CACNA1C: variants seen among roughly 807,000 people sequenced by gnomAD.
CACNA1C encodes the protein voltage-dependent L-type calcium channel subunit alpha-1C.
CACNA1C carries 30 observed loss-of-function variants against 229.0 expected under a neutral mutation model. The observed-to-expected ratio is 0.13, with a 90% CI of 0.10 to 0.18. The LOEUF (loss-of-function observed/expected upper bound fraction) is 0.18, where lower values mean the gene tolerates loss of function less well. CACNA1C is among the 10% of genes least tolerant of loss of function. The probability of loss-of-function intolerance (pLI) is 1.00; values close to 1 mark genes in which losing one functional copy is unlikely to be tolerated. For missense variants in CACNA1C, 1,658 were observed against 2,845.0 expected, an observed-to-expected ratio of 0.58 and a Z score of 9.49; for synonymous variants, 1,114 against 1,132.5, an observed-to-expected ratio of 0.98 and a Z score of 0.33.
rs112245165 is a variant in CACNA1C, at chr12:2,684,506, T to G, written c.5574-1230T>G. 1.1e-3 allele frequency among the ~76,000 whole-genome samples: 161 copies of G among 152,176 alleles called. 2 individuals are homozygous for G. Among genetic ancestry groups the G allele is most frequent in the African/African-American group, 3.7e-3 (153 of 41,500 alleles). Reference sequence around the variant, plus strand: ...TTAAACTATTTCGGTTATTCTAGAGTGCTTGGTGCACCAGGCACTCTGCTA... The same window carrying G: ...TTAAACTATTTCGGTTATTCTAGAGGGCTTGGTGCACCAGGCACTCTGCTA... On this transcript the variant is annotated intron_variant, in intron 43 of 46. Transcript: ENST00000399655.
intron 3 of CACNA1C, among the ~76,000 whole-genome samples, chr12:2,262,064 A>C (rs984528482): frequency 6.6e-6 from 1 of 152,234 alleles, no homozygotes; most frequent in Non-Finnish European, 1.5e-5. Context: ...AGTCAGGCTA[A>C]AGAGGGCAGG....
At chr12:2,545,500 G>T (rs2099879509) in intron 9 of CACNA1C, among the ~76,000 whole-genome samples, 1 of 152,022 alleles carries the variant, frequency 6.6e-6, no homozygotes, top group Non-Finnish European at 1.5e-5. Context: ...CAATTCCTGG[G>T]CCAAATGAGC....
chr12:2,066,394 C>T (rs2059289446), intron 1 of CACNA1C, among the ~76,000 whole-genome samples: 1 of 151,992 alleles, frequency 6.6e-6, no homozygotes, highest in Non-Finnish European at 1.5e-5. Context: ...ACAGAGTAGT[C>T]AGGGAGGTAG....
At chr12:2,191,486 T>G (rs1201579556) in intron 3 of CACNA1C, among the ~76,000 whole-genome samples, 1 of 152,156 alleles carries the variant, frequency 6.6e-6, no homozygotes, top group Non-Finnish European at 1.5e-5. Flanking sequence ...AACCCAGACA[T>G]GGGCCTGATG....
At chr12:2,280,824 G>A (rs2090961736) in intron 3 of CACNA1C, among the ~76,000 whole-genome samples, 1 of 151,966 alleles carries the variant, frequency 6.6e-6, no homozygotes, top group African/African-American at 2.4e-5. Context: ...ATGTAGCTTT[G>A]TTCCCTTTTC....
rs2096884494 is a variant in CACNA1C, at chr12:2,677,530, C to A, written c.4957-203C>A. On this transcript the variant is annotated intron_variant, in intron 40 of 46. Transcript: ENST00000399655. This position sits in a 1 kb window ranked among gnomAD's most constrained non-coding sequence, Gnocchi z 7.4. ...TGCCCCGTCCTAATGAGCCTTCATC[C>A]CTCCTGGATGGGCGAGTGGATTGTT... 3.1e-6 allele frequency: 2 copies of A among 646,234 alleles called. No individual in the cohort carries two copies. The highest frequency in any genetic ancestry group is 5.3e-6 in the Non-Finnish European group (2 of 377,042). 40.0% of individuals were successfully genotyped at this position (646,234 alleles called of 1,614,324 possible).
At chr12:2,559,460 C>A (rs905233798) in intron 11 of CACNA1C, among the ~76,000 whole-genome samples, 2 of 152,246 alleles carry the variant, frequency 1.3e-5, no homozygotes, top group Admixed American at 1.3e-4. Context: ...TCTGGAGTCT[C>A]CCTCGGCCCT....
intron 1 of CACNA1C, among the ~76,000 whole-genome samples, chr12:1,997,381 G>T (rs564376896): frequency 6.6e-6 from 1 of 152,198 alleles, no homozygotes; most frequent in Non-Finnish European, 1.5e-5. Flanking sequence ...TTAGCTGGGC[G>T]TGGTGGCGCA....
intron 3 of CACNA1C, among the ~76,000 whole-genome samples, chr12:2,171,015 G>A (rs182629048): frequency 6.6e-5 from 10 of 152,348 alleles, no homozygotes; most frequent in Admixed American, 5.9e-4. Flanking sequence ...GGGAGAGATG[G>A]CCTCAGAGCC....
At chr12:2,423,798 A>G (rs1409691877) in intron 3 of CACNA1C, among the ~76,000 whole-genome samples, 1 of 152,178 alleles carries the variant, frequency 6.6e-6, no homozygotes, top group East Asian at 1.9e-4. Flanking sequence ...AAAAATAAAG[A>G]TGATGTTTAA....
In CACNA1C at chr12:2,602,022, C is replaced by T; in HGVS notation, c.2960+62C>T. 3.5e-6 allele frequency: 4 copies of T among 1,127,050 alleles called. No individual in the cohort carries two copies. The highest frequency in any genetic ancestry group is 4.7e-5 in the East Asian group (2 of 42,530). The allele number at this position is 1,127,050 out of a possible 1,614,324, so 69.8% of individuals were successfully genotyped here. ...AGCTAGCAAGGGGTGCCAGAGAGGA[C>T]AACCAGACCCTGGAGGGCCTGCCTG... is the stretch of plus-strand genomic sequence containing the variant. On this transcript the variant is annotated intron_variant, in intron 22 of 46. Coordinates refer to ENST00000399655, the MANE Select transcript of CACNA1C (RefSeq NM_000719.7). This position sits in a 1 kb window ranked among gnomAD's most constrained non-coding sequence, Gnocchi z 4.4.
At chr12:2,351,396 C>G (rs1184696244) in intron 3 of CACNA1C, among the ~76,000 whole-genome samples, 1 of 152,222 alleles carries the variant, frequency 6.6e-6, no homozygotes, top group East Asian at 1.9e-4. Flanking sequence ...AAAACCATCT[C>G]CCTTCACCTG....
intron 1 of CACNA1C, among the ~76,000 whole-genome samples, chr12:2,095,294 C>T (rs777058346): frequency 1.3e-5 from 2 of 152,218 alleles, no homozygotes; most frequent in Non-Finnish European, 2.9e-5. Flanking sequence ...AAGGTTATGA[C>T]CCTCCTAATT....
intron 3 of CACNA1C, among the ~76,000 whole-genome samples, chr12:2,157,737 T>G (rs903321873): frequency 5.3e-5 from 8 of 152,200 alleles, no homozygotes; most frequent in Non-Finnish European, 1.2e-4. Context: ...TAAGGATCCC[T>G]AAATGTCCCT....
chr12:2,602,495 C>CTGTGTGTATG lies in CACNA1C; in HGVS notation c.2960+547_2960+556dup, dbSNP rs1259429109. Among the ~76,000 whole-genome samples, 1 of 151,468 alleles carries CTGTGTGTATG rather than the reference C, an allele frequency of 6.6e-6. No individual in the cohort carries two copies. The highest frequency in any genetic ancestry group is 1.5e-5 in the Non-Finnish European group (1 of 67,834). ...TGTATATGTGGATGTGTGTTTGTGG[C>CTGTGTGTATG]TGTGTGTATGTGTGTGTATGTATGT... On this transcript the variant is annotated intron_variant, in intron 22 of 46. Transcript: ENST00000399655. The surrounding 1 kb of genome is among the most constrained non-coding windows in gnomAD (Gnocchi z 4.4).
chr12:2,578,168 A>G (rs141481216), intron 13 of CACNA1C, among the ~76,000 whole-genome samples: 5 of 152,254 alleles, frequency 3.3e-5, no homozygotes, highest in African/African-American at 1.2e-4. Context: ...GCGCCCGGCC[A>G]GAAGTAATTA....
intron 9 of CACNA1C, among the ~76,000 whole-genome samples, chr12:2,543,324 C>G (rs2099875682): frequency 6.6e-6 from 1 of 152,182 alleles, no homozygotes. Flanking sequence ...AGCAAGTTGG[C>G]TTTAGAGAAA....
intron 3 of CACNA1C, among the ~76,000 whole-genome samples, chr12:2,257,027 CG>C (rs1387718152): frequency 3.3e-5 from 5 of 152,124 alleles, no homozygotes; most frequent in Non-Finnish European, 7.3e-5. Context: ...CCAATCAGGA[CG>C]GGGGTGGCTC....
intron 34 of CACNA1C, among the ~76,000 whole-genome samples, chr12:2,658,769 T>G (rs976285813): frequency 6.6e-6 from 1 of 151,812 alleles, no homozygotes; most frequent in Admixed American, 6.6e-5. Context: ...GATGTGGAGG[T>G]GGAAGACAGT....
Sources: gnomAD v4.1 joint callset for allele counts (sites outside exome capture counted in the v4.1 genomes callset) on GRCh38, gnomAD v4.1.1 for gene constraint, Gnocchi (gnomAD v3.1) non-coding constraint, MANE v1.5 for transcripts, NCBI Gene and HGNC (gene_info 2026-07-23, HGNC 2026-07-21) for gene names.